Variants in FRMD4B observed in about 807,000 individuals in gnomAD.
FRMD4B encodes FERM domain containing 4B.
A neutral mutation model predicts 141.5 loss-of-function variants in FRMD4B; 74 were observed. The ratio of observed to expected loss-of-function variants is 0.52; its 90% confidence interval spans 0.43 to 0.63. The LOEUF (loss-of-function observed/expected upper bound fraction) is 0.63. Ranked by LOEUF, FRMD4B falls within the 30% of genes least tolerant of loss-of-function variation. FRMD4B has a pLI of 0.00. For synonymous variants in FRMD4B, 506 were observed against 467.9 expected (o/e 1.08, Z -1.05); for missense variants, 1,366 against 1,253.4 (o/e 1.09, Z -1.36).
At chr3:69,479,277 A>C (rs1203209360) in intron 1 of FRMD4B, among the ~76,000 whole-genome samples, 2 of 150,996 alleles carry the variant, frequency 1.3e-5, no homozygotes, top group African/African-American at 4.9e-5. Context: ...TTTGTTCGTT[A>C]GTTGATGCAG....
intron 14 of FRMD4B, among the ~76,000 whole-genome samples, chr3:69,195,623 GAC>G (rs2092895443): frequency 6.6e-6 from 1 of 152,090 alleles, no homozygotes; most frequent in East Asian, 1.9e-4. Context: ...TAACGTCCCA[GAC>G]ACACCCAAAG....
intron 19 of FRMD4B, among the ~76,000 whole-genome samples, chr3:69,186,843 T>C (rs2092773358): frequency 6.6e-6 from 1 of 152,208 alleles, no homozygotes; most frequent in African/African-American, 2.4e-5. Context: ...TCAGCCTGTG[T>C]TTGAAAATTT....
At chr3:69,182,313 A>C (rs912628031) in intron 20 of FRMD4B, among the ~76,000 whole-genome samples, 5 of 152,234 alleles carry the variant, frequency 3.3e-5, no homozygotes, top group Non-Finnish European at 5.9e-5. Flanking sequence ...CAAACATTTC[A>C]AAATGTTGCT....
intron 1 of FRMD4B, among the ~76,000 whole-genome samples, chr3:69,317,720 A>G (rs908035394): frequency 3.8e-5 from 5 of 131,238 alleles, no homozygotes; most frequent in Middle Eastern, 9.3e-3. Flanking sequence ...GTGCCACTGC[A>G]CTCCAGCCTA....
At chr3:69,504,612 G>A (rs1266556910) in intron 1 of FRMD4B, among the ~76,000 whole-genome samples, 2 of 152,068 alleles carry the variant, frequency 1.3e-5, no homozygotes, top group African/African-American at 4.8e-5. Flanking sequence ...ATGTTTGTGA[G>A]GCTCATCCAC....
At chr3:69,507,896 C>T (rs538397939) in intron 1 of FRMD4B, among the ~76,000 whole-genome samples, 2 of 152,076 alleles carry the variant, frequency 1.3e-5, no homozygotes, top group East Asian at 1.9e-4. Context: ...TTAAAAAATC[C>T]TATTTCTTTT....
At chr3:69,525,083 G>C (rs1700912362) in intron 1 of FRMD4B, among the ~76,000 whole-genome samples, 1 of 152,196 alleles carries the variant, frequency 6.6e-6, no homozygotes, top group African/African-American at 2.4e-5. Context: ...ACTGCAACTG[G>C]GGCAGTGTTC....
intron 7 of FRMD4B, among the ~76,000 whole-genome samples, chr3:69,245,837 T>G (rs1301563065): frequency 1.5e-5 from 2 of 133,694 alleles, no homozygotes; most frequent in Admixed American, 8.0e-5. Flanking sequence ...CTAATTTGTT[T>G]TTTTTTTTTT....
intron 5 of FRMD4B, among the ~76,000 whole-genome samples, chr3:69,258,566 A>T (rs1406933249): frequency 6.6e-6 from 1 of 152,206 alleles, no homozygotes; most frequent in Non-Finnish European, 1.5e-5. Flanking sequence ...CAATTTAAAA[A>T]TTACTAACCA....
intron 1 of FRMD4B, among the ~76,000 whole-genome samples, chr3:69,509,050 C>T (rs1336599047): frequency 2.0e-5 from 3 of 152,200 alleles, no homozygotes; most frequent in Non-Finnish European, 4.4e-5. Flanking sequence ...TTTGTCTCTG[C>T]TCCCATCTAG....
intron 1 of FRMD4B, among the ~76,000 whole-genome samples, chr3:69,504,841 A>C (rs1706569230): frequency 6.6e-6 from 1 of 152,166 alleles, no homozygotes; most frequent in South Asian, 2.1e-4. Flanking sequence ...ATAATTTCTA[A>C]ACTTTTGGAT....
intron 1 of FRMD4B, among the ~76,000 whole-genome samples, chr3:69,372,666 A>AAAAC: frequency 6.9e-6 from 1 of 145,728 alleles, no homozygotes; most frequent in Non-Finnish European, 1.5e-5. Context: ...CTCCGTCTCA[A>AAAAC]AAACAAATAA....
intron 7 of FRMD4B, among the ~76,000 whole-genome samples, chr3:69,247,006 C>T: frequency 6.6e-6 from 1 of 152,156 alleles, no homozygotes; most frequent in Non-Finnish European, 1.5e-5. Flanking sequence ...TCCACCTCCC[C>T]CATAACTATA....
At chr3:69,480,715 G>A (rs1706105428) in intron 1 of FRMD4B, among the ~76,000 whole-genome samples, 1 of 152,204 alleles carries the variant, frequency 6.6e-6, no homozygotes, top group Non-Finnish European at 1.5e-5. Context: ...GCTGCGTGCT[G>A]GGAGAACCAC....
At chr3:69,373,559 T>C (rs1443448583) in intron 1 of FRMD4B, among the ~76,000 whole-genome samples, 2 of 152,118 alleles carry the variant, frequency 1.3e-5, no homozygotes, top group African/African-American at 4.8e-5. Flanking sequence ...GTGTCTGACA[T>C]ATAGAGAAAT....
At chr3:69,280,682 C>T (rs28499277) in intron 5 of FRMD4B, among the ~76,000 whole-genome samples, 105,802 of 152,022 alleles carry the variant, frequency 0.7, 37,213 homozygotes, top group East Asian at 0.86. Context: ...TGAGCATGTC[C>T]ATGACATTAA....
At chr3:69,290,775 C>T (rs558177819) in intron 4 of FRMD4B, among the ~76,000 whole-genome samples, 31 of 152,246 alleles carry the variant, frequency 2.0e-4, no homozygotes, top group South Asian at 1.5e-3. Flanking sequence ...ATTTCACAGA[C>T]GCAGACTCTG....
At chr3:69,259,100 C>T (rs1190526828) in intron 5 of FRMD4B, among the ~76,000 whole-genome samples, 2 of 152,002 alleles carry the variant, frequency 1.3e-5, no homozygotes, top group African/African-American at 4.8e-5. Flanking sequence ...CAGTGGGAGC[C>T]CTGAGCTTGT....
rs750280641 is a variant in FRMD4B at position 69,203,336 on chromosome 3, A to AG, written c.877-4563_877-4562insC. 8.1e-3 allele frequency among the ~76,000 whole-genome samples: 1,159 copies of AG among 142,290 alleles called. 3 individuals carry two copies. Among genetic ancestry groups the AG allele is most frequent in the Non-Finnish European group, 0.012 (772 of 65,552 alleles). The allele number at this position is 142,290 out of a possible 152,430, so 93.3% of individuals were successfully genotyped here. Reference sequence around the variant, plus strand: ...AAACTTCAGCAAAAAAAAAAAAAAAAAAAAAAAAGAAAGAAAGAAAGAAAA... The same window carrying AG: ...AAACTTCAGCAAAAAAAAAAAAAAAAGAAAAAAAAGAAAGAAAGAAAGAAAA... On this transcript the variant is annotated intron_variant, in intron 11 of 22. Transcript: ENST00000398540.
Sources: allele counts gnomAD v4.1 joint callset (sites outside exome capture counted in the v4.1 genomes callset), GRCh38; gene constraint gnomAD v4.1.1; transcripts MANE v1.5; gene names NCBI Gene and HGNC (gene_info 2026-07-23, HGNC 2026-07-21).